The following NSF variants were observed in gnomAD, a reference collection of about 807,000 sequenced individuals.
NSF encodes N-ethylmaleimide sensitive factor, vesicle fusing ATPase.
Under a neutral mutation model 50.3 loss-of-function variants are expected in NSF, and 14 were observed. That is an observed-to-expected ratio of 0.28 (90% CI 0.18 to 0.44). The LOEUF (loss-of-function observed/expected upper bound fraction) is 0.44. Among genes scored for constraint, NSF ranks in the 20% least tolerant of loss-of-function variants. NSF has a pLI of 1.00. For missense variants in NSF, 218 were observed against 504.3 expected (o/e 0.43, Z 5.44); for synonymous variants, 109 against 175.7 (o/e 0.62, Z 3.00).
chr17:46,725,625 G>C (rs373614345), intron 15 of NSF, among the ~76,000 whole-genome samples: 13 of 152,066 alleles, frequency 8.5e-5, no homozygotes, highest in African/African-American at 2.7e-4. Context: ...CTTTATTTCT[G>C]TACCTAATTA....
At chr17:46,733,538 C>T (rs2058971267) in intron 17 of NSF, among the ~76,000 whole-genome samples, 1 of 152,154 alleles carries the variant, frequency 6.6e-6, no homozygotes, top group African/African-American at 2.4e-5. Flanking sequence ...AGGGTAGCCT[C>T]GTAATTTATG....
intron 17 of NSF, among the ~76,000 whole-genome samples, chr17:46,737,518 T>C (rs7226263): frequency 0.78 from 118,823 of 151,762 alleles, 50,294 homozygotes; most frequent in Non-Finnish European, 0.97. Flanking sequence ...CAAGGGTGGC[T>C]GCACTCACCC....
intron 17 of NSF, among the ~76,000 whole-genome samples, chr17:46,748,833 A>G (rs1353421006): frequency 2.6e-5 from 4 of 152,238 alleles, no homozygotes; most frequent in Non-Finnish European, 2.9e-5. Context: ...GAAAAAGGCA[A>G]TTAACTCCAG....
Position 46,673,246 on chromosome 17 carries a change from AAT to A in NSF, c.746-1166_746-1165del, listed in dbSNP as rs1471058125. 3.8e-5 allele frequency among the ~76,000 whole-genome samples: 4 copies of A among 105,942 alleles called. 1 individual carries two copies. The highest frequency in any genetic ancestry group is 6.5e-5 in the Non-Finnish European group (3 of 46,124). 69.5% of individuals were successfully genotyped at this position (105,942 alleles called of 152,430 possible). ...TTCCTCCTCAGAATCTAAAATTTCT[AAT>A]AGAGTTGTTTGCATCTTGTGATTTT... On this transcript the variant is annotated intron_variant, in intron 8 of 20. Transcript: ENST00000398238.
At chr17:46,666,059 C>T (rs2058333305) in intron 8 of NSF, among the ~76,000 whole-genome samples, 1 of 150,018 alleles carries the variant, frequency 6.7e-6, no homozygotes, top group East Asian at 1.9e-4. Flanking sequence ...GTGTGCTCCC[C>T]AAGAAAGGGC....
intron 1 of NSF, among the ~76,000 whole-genome samples, chr17:46,610,041 C>CTCTCTT (rs545055767): frequency 0.46 from 52,546 of 113,156 alleles, 11,745 homozygotes; most frequent in South Asian, 0.63. Flanking sequence ...CTCTCTCTCT[C>CTCTCTT]TCTTTCTTTC....
intron 17 of NSF, among the ~76,000 whole-genome samples, chr17:46,739,301 G>A (rs898573975): frequency 6.6e-6 from 1 of 150,408 alleles, no homozygotes; most frequent in Non-Finnish European, 1.5e-5. Context: ...AACCCAGGAG[G>A]TGGAGGTTGC....
chr17:46,738,943 A>G (rs1222005049), intron 17 of NSF, among the ~76,000 whole-genome samples: 1 of 152,028 alleles, frequency 6.6e-6, no homozygotes, highest in Non-Finnish European at 1.5e-5. Context: ...CTCTACTAAA[A>G]ATACAAAAAA....
intron 15 of NSF, among the ~76,000 whole-genome samples, chr17:46,723,978 C>T (rs551793241): frequency 1.5e-4 from 23 of 152,258 alleles, no homozygotes; most frequent in African/African-American, 4.8e-4. Flanking sequence ...TCTTTACGTC[C>T]AAGTTCCTTC....
chr17:46,714,419 A>G (rs1242920035), intron 15 of NSF, among the ~76,000 whole-genome samples: 1 of 152,236 alleles, frequency 6.6e-6, no homozygotes. Flanking sequence ...TCCCTACAAA[A>G]GGATAGTTTT....
chr17:46,735,254 A>G (rs550345676), intron 17 of NSF, among the ~76,000 whole-genome samples: 3 of 152,310 alleles, frequency 2.0e-5, no homozygotes, highest in East Asian at 3.9e-4. Context: ...CTAAATTTTA[A>G]TCATCAGAGA....
rs988700963 is a variant in NSF, at chr17:46,756,923, C to T, written c.*1100C>T. ...TTGAGTCCTTTTGAGGGTGATTTGT[C>T]TTACAACTGACTGACTTAGCAGGAA... On this transcript the variant is annotated 3_prime_UTR_variant, in exon 21 of 21. Coordinates refer to ENST00000398238, the MANE Select transcript of NSF (RefSeq NM_006178.4). The T allele has an allele frequency of 3.3e-5, 5 of 152,562 alleles. No individual in the cohort carries two copies. The highest frequency in any genetic ancestry group is 1.2e-4 in the African/African-American group (5 of 41,450). The allele number at this position is 152,562 out of a possible 1,614,324, so 9.5% of individuals were successfully genotyped here.
At chr17:46,605,427 A>G (rs1452544690) in intron 1 of NSF, among the ~76,000 whole-genome samples, 4 of 148,364 alleles carry the variant, frequency 2.7e-5, no homozygotes, top group African/African-American at 7.4e-5. Flanking sequence ...CAGCCTGGGC[A>G]ACAAGAGCAA....
chr17:46,681,371 T>TCCGGA (rs1218163487), intron 9 of NSF, among the ~76,000 whole-genome samples: 5 of 125,514 alleles, frequency 4.0e-5, no homozygotes, highest in Admixed American at 2.5e-4. Flanking sequence ...ATTCCTGTGG[T>TCCGGA]CCCAGCCACT....
At chr17:46,748,372 A>C (rs1403397780) in intron 17 of NSF, among the ~76,000 whole-genome samples, 3 of 152,170 alleles carry the variant, frequency 2.0e-5, no homozygotes, top group African/African-American at 7.2e-5. Context: ...TCGGCCTCCC[A>C]CAGCACTGGA....
chr17:46,728,849 T>C lies in NSF; in HGVS notation c.1829-6T>C, dbSNP rs1166462513. The C allele has an allele frequency of 4.4e-6, 7 of 1,592,662 alleles. No individual in the cohort carries two copies. Among genetic ancestry groups the C allele is most frequent in the Non-Finnish European group, 8.6e-7 (1 of 1,167,804 alleles). Reference sequence around the variant, plus strand: ...ATCCCTAAACATAATAATGTTTCTTTTCCAGATTACGTCCCTATTGGCCCT... The same window carrying C: ...ATCCCTAAACATAATAATGTTTCTTCTCCAGATTACGTCCCTATTGGCCCT... On this transcript the variant is annotated splice_region_variant and splice_polypyrimidine_tract_variant and intron_variant, in intron 16 of 20. Transcript: ENST00000398238.
intron 14 of NSF, among the ~76,000 whole-genome samples, chr17:46,711,740 A>G (rs930331193): frequency 6.6e-6 from 1 of 152,230 alleles, no homozygotes; most frequent in Admixed American, 6.5e-5. Flanking sequence ...GCCCCATGAC[A>G]AGGGAACCTA....
intron 19 of NSF, among the ~76,000 whole-genome samples, chr17:46,752,859 C>T (rs1427724087): frequency 3.9e-5 from 6 of 152,110 alleles, no homozygotes; most frequent in Non-Finnish European, 7.4e-5. Context: ...TTCCACCTCC[C>T]GGGTTCAAGG....
chr17:46,709,475 G>A (rs2058696124), intron 13 of NSF, among the ~76,000 whole-genome samples: 1 of 151,620 alleles, frequency 6.6e-6, no homozygotes, highest in Non-Finnish European at 1.5e-5. Flanking sequence ...AAAAATTAAA[G>A]ACAAAAGCCA....
Sources: allele counts gnomAD v4.1 joint callset (sites outside exome capture counted in the v4.1 genomes callset), GRCh38; gene constraint gnomAD v4.1.1; transcripts MANE v1.5; gene names NCBI Gene and HGNC (gene_info 2026-07-23, HGNC 2026-07-21).